The following CYP4F22 variants were observed in gnomAD, a reference collection of about 807,000 sequenced individuals.
CYP4F22 encodes the protein cytochrome P450 family 4 subfamily F member 22.
A neutral mutation model predicts 60.4 loss-of-function variants in CYP4F22; 37 were observed. That is an observed-to-expected ratio of 0.61 (90% confidence interval 0.47 to 0.81). The LOEUF is 0.81. Ranked by LOEUF, CYP4F22 falls within the 30% of genes least tolerant of loss-of-function variation. The pLI is 0.00. For missense variants in CYP4F22, 655 were observed against 715.0 expected, an observed-to-expected ratio of 0.92 and a Z score of 0.96; for synonymous variants, 258 against 280.5, an observed-to-expected ratio of 0.92 and a Z score of 0.80.
intron 10 of CYP4F22, among the ~76,000 whole-genome samples, chr19:15,547,195 T>C (rs1298833755): frequency 6.6e-6 from 1 of 151,774 alleles, no homozygotes; most frequent in Non-Finnish European, 1.5e-5. Context: ...AGCTAATTTT[T>C]GTGTTTTTTA....
intron 4 of CYP4F22, among the ~76,000 whole-genome samples, chr19:15,532,336 T>C (rs1405373274): frequency 6.7e-6 from 1 of 148,898 alleles, no homozygotes; most frequent in African/African-American, 2.5e-5. Flanking sequence ...TTCTCCTTCT[T>C]CTCCTCCCCA....
chr19:15,514,307 G>T (rs1971128676), intron 1 of CYP4F22, among the ~76,000 whole-genome samples: 1 of 152,152 alleles, frequency 6.6e-6, no homozygotes, highest in African/African-American at 2.4e-5. Context: ...ATCTTTGTCG[G>T]TTAGATTATT....
intron 4 of CYP4F22, among the ~76,000 whole-genome samples, chr19:15,536,892 T>C (rs901490489): frequency 4.4e-4 from 67 of 152,164 alleles, no homozygotes; most frequent in African/African-American, 1.6e-3. Flanking sequence ...GATCAGTGTT[T>C]TATAAGGATT....
intron 1 of CYP4F22, among the ~76,000 whole-genome samples, chr19:15,522,783 TC>T (rs1366652708): frequency 6.6e-6 from 1 of 152,124 alleles, no homozygotes; most frequent in Non-Finnish European, 1.5e-5. Context: ...CGATCTCAGC[TC>T]ACTTCAACCT....
rs34055543 is a variant in CYP4F22 at position 15,510,966 on chromosome 19, A to ATATTTT, written c.-109+2384_-109+2385insATTTTT. 1.4e-3 allele frequency among the ~76,000 whole-genome samples: 149 copies of ATATTTT among 103,298 alleles called. 1 individual carries two copies. The highest frequency in any genetic ancestry group is 2.8e-3 in the African/African-American group (60 of 21,764). The allele number at this position is 103,298 out of a possible 152,430, so 67.8% of individuals were successfully genotyped here. On this transcript the variant is annotated intron_variant, in intron 1 of 13. Transcript: ENST00000269703. ...ATACCATATATATATATATATATAT[A>ATATTTT]TTTTTTTTTTTTTTTTTGAGATGGA...
Position 15,530,938 on chromosome 19 carries a change from A to G in CYP4F22, c.367+1085A>G, listed in dbSNP as rs182067438. Among the ~76,000 whole-genome samples, 574 of 152,256 alleles carry G rather than the reference A, an allele frequency of 3.8e-3. 2 individuals are homozygous for G. The highest frequency in any genetic ancestry group is 6.1e-3 in the Non-Finnish European group (413 of 68,008). ...GGACATCTGAGAGAACTCACTCTCA[A>G]ATGAACCAATGAGCTCCAGTAGGTC... On this transcript the variant is annotated intron_variant, in intron 4 of 13. Coordinates refer to ENST00000269703, the MANE Select transcript of CYP4F22 (RefSeq NM_173483.4).
chr19:15,538,512 A>C (rs138565041), intron 7 of CYP4F22, among the ~76,000 whole-genome samples: 1 of 152,238 alleles, frequency 6.6e-6, no homozygotes. Flanking sequence ...TCATTCATCA[A>C]ATATTCATTG....
chr19:15,545,019 C>T (rs1350824622), intron 10 of CYP4F22, among the ~76,000 whole-genome samples: 1 of 152,120 alleles, frequency 6.6e-6, no homozygotes, highest in East Asian at 1.9e-4. Context: ...TGAGATTGCA[C>T]CACTGCACTC....
chr19:15,530,613 C>T (rs886616489), intron 4 of CYP4F22, among the ~76,000 whole-genome samples: 2 of 152,074 alleles, frequency 1.3e-5, no homozygotes, highest in Non-Finnish European at 2.9e-5. Flanking sequence ...CTCACAGTTC[C>T]GCAGGGCTGG....
At chr19:15,545,440 G>A (rs948705959) in intron 10 of CYP4F22, among the ~76,000 whole-genome samples, 1 of 151,820 alleles carries the variant, frequency 6.6e-6, no homozygotes, top group African/African-American at 2.4e-5. Context: ...TTGAGCTGAG[G>A]TGTTTGAGAC....
At chr19:15,536,483 G>T (rs1273528) in intron 4 of CYP4F22, among the ~76,000 whole-genome samples, 1 of 152,172 alleles carries the variant, frequency 6.6e-6, no homozygotes, top group East Asian at 1.9e-4. Flanking sequence ...GGTGATGGGT[G>T]TGTGAGCAGG....
At position 15,522,734 on chromosome 19, in the gene CYP4F22, G is replaced by A. The variant is rs533244566; in HGVS notation, c.-108-959G>A. On this transcript the variant is annotated intron_variant, in intron 1 of 13. Coordinates refer to ENST00000269703, the MANE Select transcript of CYP4F22 (RefSeq NM_173483.4). ...TATTATTTTTATTTTGTTTCGAGAC[G>A]GAGTCTCACTCTATCGCCCAGGCTG... Among the ~76,000 whole-genome samples, 14 of 152,104 alleles carry A rather than the reference G, an allele frequency of 9.2e-5. 1 individual carries two copies. The highest frequency in any genetic ancestry group is 6.2e-4 in the South Asian group (3 of 4,816).
At position 15,551,515 on chromosome 19, in the gene CYP4F22, C is replaced by T. The variant is rs1239713596; in HGVS notation, c.*44C>T. On this transcript the variant is annotated 3_prime_UTR_variant, in exon 14 of 14. Coordinates refer to ENST00000269703, the MANE Select transcript of CYP4F22 (RefSeq NM_173483.4). ...GGCTCCCGAGGGTCCAGGCCCCGCC[C>T]CCAAAGGACCAGGACTCGCCCCAAA... 5.8e-6 allele frequency: 9 copies of T among 1,538,710 alleles called. No homozygotes were observed. The highest frequency in any genetic ancestry group is 7.9e-6 in the Non-Finnish European group (9 of 1,143,166).
At chr19:15,532,265 T>C (rs1197214027) in intron 4 of CYP4F22, among the ~76,000 whole-genome samples, 1 of 149,488 alleles carries the variant, frequency 6.7e-6, no homozygotes, top group Non-Finnish European at 1.5e-5. Context: ...TTCCCCCTCC[T>C]CCCTTCTCTT....
intron 1 of CYP4F22, among the ~76,000 whole-genome samples, chr19:15,518,522 G>A (rs1275893024): frequency 2.0e-5 from 3 of 149,868 alleles, no homozygotes; most frequent in African/African-American, 7.3e-5. Context: ...GGTGGCAGGC[G>A]CCTGTAATCC....
intron 4 of CYP4F22, among the ~76,000 whole-genome samples, chr19:15,530,820 A>G (rs759069990): frequency 2.6e-5 from 4 of 152,108 alleles, no homozygotes; most frequent in Admixed American, 2.6e-4. Context: ...GATCCCTCGC[A>G]TGACACATAG....
intron 12 of CYP4F22, 46 bp downstream of exon 12, chr19:15,549,248 C>A: frequency 6.2e-7 from 1 of 1,606,024 alleles, no homozygotes; most frequent in Non-Finnish European, 8.5e-7. Context: ...CCTCCCCTCC[C>A]CTGCGCCCCA....
chr19:15,551,129 T>C (rs1362482070), intron 13 of CYP4F22, among the ~76,000 whole-genome samples, 165 bp from the exon 14 acceptor site: 2 of 152,182 alleles, frequency 1.3e-5, no homozygotes, highest in African/African-American at 4.8e-5. Flanking sequence ...TCACATTAAT[T>C]GAGCGATCCG....
intron 12 of CYP4F22, 71 bp from the exon 13 acceptor site, chr19:15,550,603 C>T (rs964535057): frequency 3.0e-5 from 46 of 1,509,336 alleles, no homozygotes; most frequent in Non-Finnish European, 4.1e-5. Context: ...CCCCCAGAGG[C>T]TCAGGGAAGG....
Sources: allele counts gnomAD v4.1 joint callset (sites outside exome capture counted in the v4.1 genomes callset), GRCh38; gene constraint gnomAD v4.1.1; transcripts MANE v1.5; gene names NCBI Gene and HGNC (gene_info 2026-07-23, HGNC 2026-07-21).